Variants in DAB2IP observed in about 807,000 individuals in gnomAD.
The protein encoded by DAB2IP is DAB2 interacting protein.
A neutral mutation model predicts 107.2 loss-of-function variants in DAB2IP; 28 were observed. The ratio of observed to expected loss-of-function variants is 0.26; its 90% CI spans 0.19 to 0.36. The LOEUF (loss-of-function observed/expected upper bound fraction) is 0.36. Among genes scored for constraint, DAB2IP ranks in the 10% least tolerant of loss-of-function variants. The probability of loss-of-function intolerance (pLI) is 1.00; values close to 1 mark genes in which losing one functional copy is unlikely to be tolerated. For missense variants in DAB2IP, 1,400 were observed against 1,644.7 expected, an observed-to-expected ratio of 0.85 and a Z score of 2.57; for synonymous variants, 755 against 706.4, an observed-to-expected ratio of 1.07 and a Z score of -1.09.
At chr9:121,591,239 C>T (rs1013665226) in intron 1 of DAB2IP, among the ~76,000 whole-genome samples, 11 of 152,076 alleles carry the variant, frequency 7.2e-5, no homozygotes, top group East Asian at 1.9e-4. Flanking sequence ...GAGGCTAAGG[C>T]GGGTGGATCA....
chr9:121,609,268 C>T (rs1417379607), intron 1 of DAB2IP, among the ~76,000 whole-genome samples: 1 of 152,146 alleles, frequency 6.6e-6, no homozygotes, highest in Non-Finnish European at 1.5e-5. Context: ...TCTAGGTGCT[C>T]CTGGTTGTCC....
At position 121,579,087 on chromosome 9, in the gene DAB2IP, C is replaced by T. The variant is rs187673921; in HGVS notation, c.40+11859C>T. On this transcript the variant is annotated intron_variant, in intron 1 of 16. Coordinates refer to the DAB2IP transcript ENST00000259371. ...AGGGCAGGGTCCCTGGAGCCCCGCA[C>T]CATCAGATCTCTGCCCCTTACCAGG... Among the ~76,000 whole-genome samples the T allele has an allele frequency of 2.1e-3, 316 of 152,228 alleles. 1 individual carries two copies. The highest frequency in any genetic ancestry group is 7.4e-3 in the African/African-American group (306 of 41,536).
intron 1 of DAB2IP, among the ~76,000 whole-genome samples, chr9:121,671,752 A>G (rs1833691851): frequency 1.3e-5 from 2 of 152,184 alleles, no homozygotes; most frequent in African/African-American, 4.8e-5. Context: ...GGTCCTTTGT[A>G]GTGCCATTGT....
chr9:121,742,085 T>C (rs935506366), intron 3 of DAB2IP, among the ~76,000 whole-genome samples: 2 of 152,084 alleles, frequency 1.3e-5, no homozygotes, highest in African/African-American at 4.8e-5. Flanking sequence ...TCAGCCCCTG[T>C]GGAGTTGGAC....
intron 1 of DAB2IP, chr9:121,575,089 G>T: frequency 6.6e-6 from 1 of 152,606 alleles, no homozygotes. Flanking sequence ...AAGCTCAAGA[G>T]AGAAGAGTTG....
chr9:121,777,243 T>C (rs1179339882), intron 14 of DAB2IP, among the ~76,000 whole-genome samples: 1 of 152,168 alleles, frequency 6.6e-6, no homozygotes, highest in Non-Finnish European at 1.5e-5. Flanking sequence ...ACCAAGCAGG[T>C]GTGCAAGAGC....
chr9:121,735,683 G>GT (rs1365991932), intron 3 of DAB2IP, among the ~76,000 whole-genome samples: 1 of 152,170 alleles, frequency 6.6e-6, no homozygotes, highest in Admixed American at 6.5e-5. Flanking sequence ...GCTGGTGGCT[G>GT]TAAGGGAAGG....
At chr9:121,780,804 C>A (rs927783597) in intron 14 of DAB2IP, among the ~76,000 whole-genome samples, 6 of 152,150 alleles carry the variant, frequency 3.9e-5, no homozygotes, top group South Asian at 4.1e-4. Flanking sequence ...TGAGCTTCCG[C>A]GGGTGGTATG....
At chr9:121,648,996 C>G (rs970306688), upstream of DAB2IP, among the ~76,000 whole-genome samples, 1 of 152,168 alleles carries the variant, frequency 6.6e-6, no homozygotes. Flanking sequence ...TCCAGGTCCC[C>G]TGCTGGGCTG....
At chr9:121,703,039 C>T (rs1829864465) in intron 3 of DAB2IP, among the ~76,000 whole-genome samples, 1 of 152,146 alleles carries the variant, frequency 6.6e-6, no homozygotes, top group Non-Finnish European at 1.5e-5. Flanking sequence ...TCGATTCCCC[C>T]TTCCAGAGTA....
intron 1 of DAB2IP, among the ~76,000 whole-genome samples, chr9:121,585,844 A>AT (rs371453108): frequency 0.53 from 33,705 of 63,920 alleles, 4,635 homozygotes; most frequent in Non-Finnish European, 0.58. Flanking sequence ...AGGGTTAGGG[A>AT]TTTAAAAAAA....
chr9:121,751,893 C>T (rs1833144100), intron 3 of DAB2IP: 1 of 983,530 alleles, frequency 1.0e-6, no homozygotes, highest in Non-Finnish European at 1.2e-6. Flanking sequence ...GTCACCCTAG[C>T]CATGGCCTTG....
In DAB2IP at chr9:121,699,425, G is replaced by A; in HGVS notation, c.329G>A (p.Arg110Gln). ...TTCCGCCACATCCTGCCGGGGTTCC[G>A]GAGCGCCGCCGCCGCCGCCGCGGAC... Residue 110 changes from arginine to glutamine, a missense_variant, in exon 3 of 16, where the codon CGG (arginine) becomes CAG (glutamine). Transcript: ENST00000408936. The surrounding 1 kb of genome is among the most constrained non-coding windows in gnomAD (Gnocchi z 6.2). 6.8e-7 allele frequency: 1 copy of A among 1,462,192 alleles called. No homozygotes were observed. Among genetic ancestry groups the A allele is most frequent in the Non-Finnish European group, 9.1e-7 (1 of 1,096,656 alleles). The allele number at this position is 1,462,192 out of a possible 1,614,324, so 90.6% of individuals were successfully genotyped here.
intron 2 of DAB2IP, among the ~76,000 whole-genome samples, chr9:121,695,026 T>C (rs1829350183): frequency 6.6e-6 from 1 of 152,150 alleles, no homozygotes; most frequent in Admixed American, 6.5e-5. Context: ...TGCTGAGCTT[T>C]AGACATCAGT....
chr9:121,783,013 TAGG>T (rs1835775063), exon 16 of DAB2IP: 8 of 1,021,518 alleles, frequency 7.8e-6, no homozygotes, highest in Non-Finnish European at 9.4e-6. Flanking sequence ...GGCAGGAAGA[TAGG>T]AGGACACAGA....
chr9:121,686,336 C>G (rs2118661202), intron 2 of DAB2IP, among the ~76,000 whole-genome samples: 1 of 152,308 alleles, frequency 6.6e-6, no homozygotes, highest in Non-Finnish European at 1.5e-5. Flanking sequence ...GGGAACAAGC[C>G]AGCCTCTGTA....
Position 121,595,018 on chromosome 9 carries a change from G to A in DAB2IP, c.40+27790G>A, listed in dbSNP as rs77336851. Among the ~76,000 whole-genome samples the A allele has an allele frequency of 3.7e-3, 567 of 152,224 alleles. 3 individuals carry two copies. The highest frequency in any genetic ancestry group is 0.013 in the African/African-American group (544 of 41,536). On this transcript the variant is annotated intron_variant, in intron 1 of 16. Transcript: ENST00000259371. The stretch of plus-strand genomic sequence containing the variant: ...GACCTGGTTGTATGGTGGTGCTTGG[G>A]CGGGGGCAGTCTCAGCTGACTGGGA...
At chr9:121,715,768 GC>G (rs2118795616) in intron 3 of DAB2IP, among the ~76,000 whole-genome samples, 1 of 152,340 alleles carries the variant, frequency 6.6e-6, no homozygotes, top group African/African-American at 2.4e-5. Context: ...TTTATTCCCT[GC>G]CTCTAATCCC....
chr9:121,648,991 G>C (rs1040663293), upstream of DAB2IP, among the ~76,000 whole-genome samples: 16 of 152,280 alleles, frequency 1.1e-4, no homozygotes, highest in African/African-American at 3.4e-4. Flanking sequence ...TTGATTCCAG[G>C]TCCCCTGCTG....
Sources: gnomAD v4.1 joint callset for allele counts (sites outside exome capture counted in the v4.1 genomes callset) on GRCh38, gnomAD v4.1.1 for gene constraint, Gnocchi (gnomAD v3.1) non-coding constraint, MANE v1.5 for transcripts, NCBI Gene and HGNC (gene_info 2026-07-23, HGNC 2026-07-21) for gene names.